WDR43: variants seen among roughly 807,000 people sequenced by gnomAD.
WDR43 encodes the protein WD repeat-containing protein 43.
A neutral mutation model predicts 91.4 loss-of-function variants in WDR43; 13 were observed. That is an observed-to-expected ratio of 0.14 (90% CI 0.09 to 0.23). The LOEUF is 0.23. WDR43 is among the 10% of genes least tolerant of loss of function. WDR43 has a pLI of 1.00. For missense variants in WDR43, 780 were observed against 809.4 expected (o/e 0.96, Z 0.44); for synonymous variants, 331 against 287.9 (o/e 1.15, Z -1.51).
intron 9 of WDR43, chr2:28,927,215 A>T: frequency 1.2e-5 from 6 of 519,420 alleles, no homozygotes; most frequent in South Asian, 7.1e-5. Context: ...TTTAAAAATC[A>T]TTGTGTCTTT....
intron 5 of WDR43, among the ~76,000 whole-genome samples, chr2:28,916,444 C>T (rs2148186511): frequency 6.6e-6 from 1 of 152,168 alleles, no homozygotes; most frequent in African/African-American, 2.4e-5. Flanking sequence ...TTTAGCCATT[C>T]TAATAGGTGG....
chr2:28,902,734 T>C (rs1432277667), intron 2 of WDR43, among the ~76,000 whole-genome samples: 1 of 152,236 alleles, frequency 6.6e-6, no homozygotes, highest in African/African-American at 2.4e-5. Flanking sequence ...CTTGTCTCCC[T>C]CTAGCAGTTG....
intron 5 of WDR43, among the ~76,000 whole-genome samples, chr2:28,917,341 G>T (rs544709285): frequency 2.3e-4 from 35 of 152,192 alleles, no homozygotes; most frequent in Non-Finnish European, 5.0e-4. Context: ...AACTGCATAT[G>T]TGTGTATATA....
At chr2:28,917,783 A>G (rs1572590163) in intron 5 of WDR43, 110 bp from the exon 6 acceptor site, 2 of 914,518 alleles carry the variant, frequency 2.2e-6, no homozygotes, top group East Asian at 5.5e-5. Context: ...AAAGATGACA[A>G]AGCTATTGGG....
chr2:28,908,319 T>G (rs1168806447), intron 3 of WDR43, among the ~76,000 whole-genome samples: 1 of 152,152 alleles, frequency 6.6e-6, no homozygotes, highest in Non-Finnish European at 1.5e-5. Context: ...GGCTTAGATT[T>G]AAGTAGGGGT....
chr2:28,906,566 C>T lies in WDR43; in HGVS notation c.470C>T (p.Thr157Ile). ...DKHIVEWNVQTCKVKCKWKGD... is the reference protein window; with the variant it reads ...DKHIVEWNVQICKVKCKWKGD... ...CATATTGTGGAATGGAACGTACAGA[C>T]ATGCAAAGTAAAGTGGTGAGTAACA... The change falls in exon 3 of 18, where the codon ACA becomes ATA. Residue 157 changes from threonine to isoleucine, a missense_variant. Coordinates refer to ENST00000407426, the MANE Select transcript of WDR43 (RefSeq NM_015131.3). The T allele has an allele frequency of 6.2e-7, 1 of 1,611,498 alleles. No individual in the cohort carries two copies. Among genetic ancestry groups the T allele is most frequent in the Admixed American group, 1.7e-5 (1 of 59,696 alleles).
chr2:28,917,157 G>A (rs1476951329), intron 5 of WDR43, among the ~76,000 whole-genome samples: 1 of 152,188 alleles, frequency 6.6e-6, no homozygotes, highest in Non-Finnish European at 1.5e-5. Flanking sequence ...ACGGCAACGG[G>A]AAGGCAGAAT....
At chr2:28,922,583 C>A (rs1023400385) in intron 6 of WDR43, among the ~76,000 whole-genome samples, 2 of 152,166 alleles carry the variant, frequency 1.3e-5, no homozygotes, top group Non-Finnish European at 2.9e-5. Context: ...GCCATACAGG[C>A]AAAATGGCTT....
chr2:28,922,800 T>TTG (rs1162138773), intron 6 of WDR43, 119 bp from the exon 7 acceptor site: 1 of 369,712 alleles, frequency 2.7e-6, no homozygotes, highest in East Asian at 4.7e-5. Context: ...TTGCTGTGTT[T>TTG]TTTTTTTTTT....
chr2:28,936,676 A>G (rs1357673403), intron 12 of WDR43, among the ~76,000 whole-genome samples: 1 of 152,158 alleles, frequency 6.6e-6, no homozygotes, highest in Admixed American at 6.5e-5. Context: ...TTGGCTGGCA[A>G]TCACTAAGCT....
Position 28,947,037 on chromosome 2 carries a change from T to C in WDR43, c.*258T>C, listed in dbSNP as rs1671555445. On this transcript the variant is annotated 3_prime_UTR_variant, in exon 18 of 18. Transcript: ENST00000407426. ...ACTGACATCAGTGTCCAATATATGG[T>C]ATATTTTTATAATATAATATCCTAG... 3.6e-6 allele frequency: 1 copy of C among 280,040 alleles called. No homozygotes were observed. The highest frequency in any genetic ancestry group is 2.2e-5 in the African/African-American group (1 of 45,538). The allele number at this position is 280,040 out of a possible 1,614,324, so 17.3% of individuals were successfully genotyped here. A position where few individuals can be genotyped will look rare whatever the true frequency, so the allele number is the denominator to read the frequency against.
chr2:28,944,892 C>T (rs762611267), intron 16 of WDR43, among the ~76,000 whole-genome samples: 16 of 152,224 alleles, frequency 1.1e-4, no homozygotes, highest in South Asian at 2.1e-4. Flanking sequence ...CACTTCATCA[C>T]GCTGCACATA....
chr2:28,908,560 T>A (rs2148181978), intron 3 of WDR43, among the ~76,000 whole-genome samples: 1 of 152,150 alleles, frequency 6.6e-6, no homozygotes, highest in African/African-American at 2.4e-5. Context: ...AAAGAGCCAT[T>A]CAACACGTGT....
Position 28,934,696 on chromosome 2 carries a change from C to G in WDR43, c.1438-825C>G, listed in dbSNP as rs373962269. ...TCATGTCAGTGCACTCCAGCCCAGA[C>G]AGCAGAATGAGGCCCCTGTTTCAAA... On this transcript the variant is annotated intron_variant, in intron 11 of 17. Transcript: ENST00000407426. 3.4e-4 allele frequency among the ~76,000 whole-genome samples: 52 copies of G among 152,294 alleles called. No homozygotes were observed. The East Asian group carries it at 6.8e-3, about 20-fold the overall frequency.
chr2:28,897,637 A>G (rs528417656), intron 1 of WDR43, among the ~76,000 whole-genome samples: 1 of 152,346 alleles, frequency 6.6e-6, no homozygotes, highest in Non-Finnish European at 1.5e-5. Flanking sequence ...ATTTGTAAGA[A>G]AAGTATTCTA....
chr2:28,941,653 C>A, intron 15 of WDR43, 79 bp downstream of exon 15: 2 of 1,113,576 alleles, frequency 1.8e-6, no homozygotes, highest in Non-Finnish European at 2.6e-6. Flanking sequence ...CATTTTGAGA[C>A]AGGGTCTTGC....
chr2:28,937,725 A>G (rs952031969), intron 13 of WDR43, among the ~76,000 whole-genome samples: 2 of 152,202 alleles, frequency 1.3e-5, no homozygotes, highest in East Asian at 3.8e-4. Flanking sequence ...GTGGCCCCCA[A>G]TCCCTGCCCA....
chr2:28,941,506 G>A lies in WDR43; in HGVS notation c.1666G>A (p.Glu556Lys), dbSNP rs1303355024. 1 of 1,613,676 alleles carries A rather than the reference G, an allele frequency of 6.2e-7. No homozygotes were observed. Among genetic ancestry groups the A allele is most frequent in the Non-Finnish European group, 8.5e-7 (1 of 1,179,754 alleles). ...PQLGTLYQLMESRVKTFQKLS... is the reference protein window; with the variant it reads ...PQLGTLYQLMKSRVKTFQKLS... ...GCTGGGGACACTCTACCAGTTAATG[G>A]AAAGCAGAGTCAAAACTTTTCAGAA... The change falls in exon 15 of 18, where the codon GAA becomes AAA. Residue 556 changes from glutamate to lysine, a missense_variant. Glu to Lys is a moderately conservative substitution (Grantham distance 56). This residue lies in a region of WDR43 where 426 missense variants were observed against 467.8 expected (regional missense o/e 0.91). Coordinates refer to ENST00000407426, the MANE Select transcript of WDR43 (RefSeq NM_015131.3).
At chr2:28,903,263 T>C (rs952375776) in intron 2 of WDR43, among the ~76,000 whole-genome samples, 3 of 152,198 alleles carry the variant, frequency 2.0e-5, no homozygotes, top group Non-Finnish European at 4.4e-5. Flanking sequence ...GATTTTTAAA[T>C]TGTTGTAAAA....
Sources: allele counts gnomAD v4.1 joint callset (sites outside exome capture counted in the v4.1 genomes callset), GRCh38; gene constraint gnomAD v4.1.1; regional missense constraint gnomAD v4.1.1; transcripts MANE v1.5; gene names NCBI Gene and HGNC (gene_info 2026-07-23, HGNC 2026-07-21).